PCDHGA4: variants seen among roughly 807,000 people sequenced by gnomAD.
The protein encoded by PCDHGA4 is protocadherin gamma-A4.
Under a neutral mutation model 54.6 loss-of-function variants are expected in PCDHGA4, and 38 were observed. That is an observed-to-expected ratio of 0.70 (90% CI 0.54 to 0.91). PCDHGA4 has a LOEUF of 0.91. Among genes scored for constraint, PCDHGA4 ranks in the 40% least tolerant of loss-of-function variants. PCDHGA4 has a pLI of 0.00. For missense variants in PCDHGA4, 1,298 were observed against 1,220.9 expected, an observed-to-expected ratio of 1.06 and a Z score of -0.94; for synonymous variants, 511 against 512.9, an observed-to-expected ratio of 1.00 and a Z score of 0.05.
At chr5:141,384,528 C>T in intron 1 of PCDHGA4, 2 of 1,614,254 alleles carry the variant, frequency 1.2e-6, no homozygotes, top group Non-Finnish European at 1.7e-6. Context: ...CGCCTCTCAG[C>T]AGCAACATGT....
At position 141,357,475 on chromosome 5, in the gene PCDHGA4, C is replaced by G. The variant is rs778953357; in HGVS notation, c.2368C>G (p.Leu790Val). Residue 790 changes from leucine (L) to valine (V), a missense_variant, in exon 1 of 4, where the codon CTC (leucine) becomes GTC (valine). Physicochemically the swap from Leu to Val is conservative, Grantham distance 32. Transcript: ENST00000571252. The part of the protein sequence containing the change: ...FLQTYSHEVS[L>V]TADSRKSHLI... Reference sequence around the variant, plus strand: ...GCAGACCTATTCCCACGAGGTCTCCCTCACCGCGGACTCGCGGAAGAGTCA... The same window carrying G: ...GCAGACCTATTCCCACGAGGTCTCCGTCACCGCGGACTCGCGGAAGAGTCA... 4.0e-5 allele frequency: 65 copies of G among 1,614,118 alleles called. No individual in the cohort carries two copies. Among genetic ancestry groups the G allele is most frequent in the Non-Finnish European group, 5.3e-5 (63 of 1,180,052 alleles).
intron 1 of PCDHGA4, chr5:141,468,682 C>A (rs377685711): frequency 4.6e-5 from 7 of 151,296 alleles, no homozygotes; most frequent in African/African-American, 1.7e-4. Context: ...CTGGCTAACA[C>A]GGTGAAACCC....
At chr5:141,418,481 C>G (rs1438009750) in intron 1 of PCDHGA4, 1 of 1,614,006 alleles carries the variant, frequency 6.2e-7, no homozygotes, top group Admixed American at 1.7e-5. Context: ...GCAGAGCGCT[C>G]ACCACTTGGT....
chr5:141,488,186 G>T (rs1005725656), intron 1 of PCDHGA4, among the ~76,000 whole-genome samples: 2 of 152,180 alleles, frequency 1.3e-5, no homozygotes, highest in South Asian at 2.1e-4. Context: ...AGATCTTTTG[G>T]TCTGGGTCTT....
chr5:141,403,707 T>C (rs2094445205), intron 1 of PCDHGA4: 2 of 1,613,778 alleles, frequency 1.2e-6, no homozygotes, highest in African/African-American at 2.7e-5. Flanking sequence ...GTTAAAGTCC[T>C]TGAGAACGTG....
chr5:141,394,865 G>T (rs2093117021), intron 1 of PCDHGA4: 1 of 1,613,816 alleles, frequency 6.2e-7, no homozygotes, highest in Non-Finnish European at 8.5e-7. Flanking sequence ...CGGTCGACCC[G>T]AACGATTCGA....
chr5:141,399,241 T>C, intron 1 of PCDHGA4: 3 of 1,613,950 alleles, frequency 1.9e-6, no homozygotes, highest in South Asian at 1.1e-5. Flanking sequence ...TGACCAAGAT[T>C]CTGGGGAAAA....
At chr5:141,364,829 C>T in intron 1 of PCDHGA4, 2 of 1,614,008 alleles carry the variant, frequency 1.2e-6, no homozygotes, top group Non-Finnish European at 1.7e-6. Context: ...TGTGAACTCT[C>T]TCCGGAGTTA....
intron 1 of PCDHGA4, chr5:141,366,690 A>T: frequency 6.2e-7 from 1 of 1,614,252 alleles, no homozygotes; most frequent in Non-Finnish European, 8.5e-7. Context: ...AGCTGTGAGA[A>T]AAGCGAGCCT....
intron 1 of PCDHGA4, chr5:141,427,221 T>C (rs1312743800): frequency 2.2e-6 from 1 of 456,628 alleles, no homozygotes; most frequent in Non-Finnish European, 4.4e-6. Context: ...TCGTAGCAGT[T>C]ATACCATGAG....
In PCDHGA4 at chr5:141,491,105, C is replaced by T; in HGVS notation, c.2515-3702C>T. ...ACAGCCCCAGGACTGTTCCTCGTGTCTACACACACTGGTGAGGTGCGCACA... is the reference window on the plus strand; with the variant it reads ...ACAGCCCCAGGACTGTTCCTCGTGTTTACACACACTGGTGAGGTGCGCACA... On this transcript the variant is annotated intron_variant, in intron 1 of 3. Transcript: ENST00000571252. This position sits in a 1 kb window ranked among gnomAD's most constrained non-coding sequence, Gnocchi z 6.9. 1 of 1,614,222 alleles carries T rather than the reference C, an allele frequency of 6.2e-7. No individual in the cohort carries two copies. Among genetic ancestry groups the T allele is most frequent in the Non-Finnish European group, 8.5e-7 (1 of 1,180,032 alleles).
chr5:141,477,193 C>G lies in PCDHGA4; in HGVS notation c.2515-17614C>G. The G allele has an allele frequency of 6.2e-7, 1 of 1,614,176 alleles. No homozygotes were observed. Among genetic ancestry groups the G allele is most frequent in the Non-Finnish European group, 8.5e-7 (1 of 1,180,036 alleles). On this transcript the variant is annotated intron_variant, in intron 1 of 3. Transcript: ENST00000571252. This position sits in a 1 kb window ranked among gnomAD's most constrained non-coding sequence, Gnocchi z 4.9. ...AGATCACAGTCACCTCCGTGTACAG[C>G]CCAGTACCCGAGGATGCCCCTCTGG...
Position 141,419,293 on chromosome 5 carries a change from C to A in PCDHGA4, c.2514+61672C>A, listed in dbSNP as rs748856660. 1.5e-5 allele frequency: 25 copies of A among 1,614,026 alleles called. No individual in the cohort carries two copies. The African/African-American group carries it at 3.2e-4, about 21-fold the overall frequency. Reference sequence around the variant, plus strand: ...CCATAGCGCAAGTCAGTGCCTCTGACCCAGACTTCGGGCTCAACGGCCGTG... The same window carrying A: ...CCATAGCGCAAGTCAGTGCCTCTGAACCAGACTTCGGGCTCAACGGCCGTG... On this transcript the variant is annotated intron_variant, in intron 1 of 3. Transcript: ENST00000571252.
At chr5:141,408,051 C>A in intron 1 of PCDHGA4, 3 of 1,264,368 alleles carry the variant, frequency 2.4e-6, no homozygotes, top group Non-Finnish European at 3.2e-6. Context: ...CCACACAGAG[C>A]CTCCCGGCTG....
intron 1 of PCDHGA4, chr5:141,374,236 T>G: frequency 6.2e-7 from 1 of 1,613,974 alleles, no homozygotes; most frequent in African/African-American, 1.3e-5. Flanking sequence ...TCGTCAAGGA[T>G]CTGGGACTGG....
chr5:141,396,814 G>C (rs573559857), intron 1 of PCDHGA4, among the ~76,000 whole-genome samples: 10 of 152,322 alleles, frequency 6.6e-5, no homozygotes, highest in African/African-American at 2.2e-4. Flanking sequence ...GTGTTCTACT[G>C]TATGGTGCAT....
At chr5:141,394,785 G>C in intron 1 of PCDHGA4, 2 of 1,613,722 alleles carry the variant, frequency 1.2e-6, no homozygotes, top group South Asian at 2.2e-5. Flanking sequence ...CTCCGCCACT[G>C]TCACGCTCAC....
chr5:141,421,380 G>A, intron 1 of PCDHGA4: 1 of 1,614,064 alleles, frequency 6.2e-7, no homozygotes, highest in Non-Finnish European at 8.5e-7. Context: ...ATATCTCCAA[G>A]GACCTGGGGC....
intron 1 of PCDHGA4, chr5:141,374,829 T>A: frequency 1.2e-6 from 2 of 1,613,956 alleles, no homozygotes; most frequent in South Asian, 1.1e-5. Flanking sequence ...GTCTACCGTG[T>A]AAGTGTTCCT....
Sources: allele counts gnomAD v4.1 joint callset (sites outside exome capture counted in the v4.1 genomes callset), GRCh38; gene constraint gnomAD v4.1.1; non-coding constraint Gnocchi (gnomAD v3.1); transcripts MANE v1.5; gene names NCBI Gene and HGNC (gene_info 2026-07-23, HGNC 2026-07-21).